Variants in C11orf65 observed in about 807,000 individuals in gnomAD.
The protein encoded by C11orf65 is protein MFI.
In C11orf65, 38 loss-of-function variants were observed where a neutral mutation model predicts 35.3. The ratio of observed to expected loss-of-function variants is 1.08; its 90% confidence interval spans 0.83 to 1.41. The LOEUF is 1.41. C11orf65 is among the 40% of genes most tolerant of loss of function. The probability of loss-of-function intolerance (pLI) is 0.00; values close to 1 mark genes in which losing one functional copy is unlikely to be tolerated. For synonymous variants in C11orf65, 105 were observed against 114.4 expected (o/e 0.92, Z 0.53); for missense variants, 370 against 367.1 (o/e 1.01, Z -0.06).
intron 2 of C11orf65, among the ~76,000 whole-genome samples, chr11:108,377,082 A>C (rs1282994779): frequency 1.3e-5 from 2 of 151,246 alleles, no homozygotes; most frequent in Non-Finnish European, 3.0e-5. Context: ...TCCTTCTGAA[A>C]CTATTCCAAT....
chr11:108,419,503 G>C (rs559633741), intron 3 of C11orf65, among the ~76,000 whole-genome samples: 1 of 152,258 alleles, frequency 6.6e-6, no homozygotes, highest in South Asian at 2.1e-4. Flanking sequence ...TTTGAGACCA[G>C]TCTGGGCAAC....
At chr11:108,348,047 G>A (rs1278298030) in intron 2 of C11orf65, among the ~76,000 whole-genome samples, 1 of 152,182 alleles carries the variant, frequency 6.6e-6, no homozygotes, top group African/African-American at 2.4e-5. Flanking sequence ...TGAGGAAATA[G>A]TGGGGGAGTG....
downstream of C11orf65, among the ~76,000 whole-genome samples, chr11:108,326,777 A>C (rs1163796096): frequency 6.6e-6 from 1 of 152,202 alleles, no homozygotes; most frequent in African/African-American, 2.4e-5. Flanking sequence ...GGTGTCCCAC[A>C]GACATGTACC....
intron 6 of C11orf65, among the ~76,000 whole-genome samples, chr11:108,399,737 A>G (rs892578340): frequency 6.6e-6 from 1 of 152,102 alleles, no homozygotes; most frequent in Non-Finnish European, 1.5e-5. Flanking sequence ...TTTTACACTA[A>G]AACAGTGCTA....
chr11:108,430,293 T>TA (rs2092967589), intron 3 of C11orf65, among the ~76,000 whole-genome samples: 1 of 98,974 alleles, frequency 1.0e-5, no homozygotes, highest in Admixed American at 1.2e-4. Flanking sequence ...CACGCCTGGC[T>TA]AATTTTTTTT....
At chr11:108,382,456 A>G (rs1401308566), downstream of C11orf65, among the ~76,000 whole-genome samples, 1 of 152,222 alleles carries the variant, frequency 6.6e-6, no homozygotes, top group Non-Finnish European at 1.5e-5. Flanking sequence ...GTAAACAAGG[A>G]AAGATAACAT....
chr11:108,437,707 T>TAAAAAAAAAAAAAAAAA (rs145337876), intron 2 of C11orf65, among the ~76,000 whole-genome samples: 8 of 38,034 alleles, frequency 2.1e-4, no homozygotes, highest in African/African-American at 4.3e-4. Context: ...GACTCAGTCT[T>TAAAAAAAAAAAAAAAAA]AAAAAAAAAA....
At chr11:108,348,071 A>G (rs2088671862) in intron 2 of C11orf65, among the ~76,000 whole-genome samples, 1 of 152,186 alleles carries the variant, frequency 6.6e-6, no homozygotes, top group African/African-American at 2.4e-5. Flanking sequence ...CCCCCAGATA[A>G]CTGAAGCTTC....
At chr11:108,436,703 G>T (rs914652729) in intron 2 of C11orf65, among the ~76,000 whole-genome samples, 2 of 152,034 alleles carry the variant, frequency 1.3e-5, no homozygotes, top group African/African-American at 2.4e-5. Context: ...AGACAAAGAC[G>T]CAATTTAAAA....
At chr11:108,401,895 T>C (rs762502966) in intron 6 of C11orf65, among the ~76,000 whole-genome samples, 12 of 152,208 alleles carry the variant, frequency 7.9e-5, no homozygotes, top group Non-Finnish European at 1.2e-4. Context: ...ACCATTAACA[T>C]AATTTCTGGC....
rs538876529 is a variant in C11orf65 at position 108,428,973 on chromosome 11, C to T, written c.174+2773G>A. On this transcript the variant is annotated intron_variant, in intron 3 of 8. Coordinates refer to ENST00000393084, the MANE Select transcript of C11orf65 (RefSeq NM_152587.5). ...ACGAGCCTGCGTAACCTAGGGAGAT[C>T]CCATCTCTACAAAAAATGAAAAAAT... 2.0e-5 allele frequency among the ~76,000 whole-genome samples: 3 copies of T among 151,972 alleles called. No individual in the cohort carries two copies. The South Asian group carries it at 6.2e-4, about 32-fold the overall frequency.
chr11:108,424,315 G>A (rs2092867325), intron 3 of C11orf65, among the ~76,000 whole-genome samples: 1 of 152,018 alleles, frequency 6.6e-6, no homozygotes, highest in South Asian at 2.1e-4. Flanking sequence ...AGAGATTGAA[G>A]ATCAACTTAA....
chr11:108,327,782 A>T, downstream of C11orf65: 1 of 1,531,026 alleles, frequency 6.5e-7, no homozygotes, highest in East Asian at 2.3e-5. Context: ...AGCAACCCTT[A>T]AGATAGTTAC....
chr11:108,384,433 C>T (rs2091941105), intron 8 of C11orf65, among the ~76,000 whole-genome samples: 1 of 152,132 alleles, frequency 6.6e-6, no homozygotes, highest in Non-Finnish European at 1.5e-5. Context: ...TACCGTTATT[C>T]TTCTTTTACT....
intron 7 of C11orf65, among the ~76,000 whole-genome samples, chr11:108,386,903 A>G (rs1303484409): frequency 3.9e-5 from 6 of 151,928 alleles, no homozygotes; most frequent in Non-Finnish European, 8.8e-5. Context: ...AACACGGTGA[A>G]ACCCCATCTC....
At chr11:108,378,985 T>C (rs568532672), downstream of C11orf65, among the ~76,000 whole-genome samples, 39 of 152,264 alleles carry the variant, frequency 2.6e-4, no homozygotes, top group Non-Finnish European at 4.6e-4. Context: ...CAACAGGTGC[T>C]GGAGAGGATG....
At chr11:108,399,166 A>G (rs576956565) in intron 6 of C11orf65, among the ~76,000 whole-genome samples, 1 of 152,300 alleles carries the variant, frequency 6.6e-6, no homozygotes, top group East Asian at 1.9e-4. Flanking sequence ...AATGACATTC[A>G]CAGGATGGAT....
chr11:108,357,329 G>A (rs2090104100), intron 2 of C11orf65, among the ~76,000 whole-genome samples: 1 of 152,234 alleles, frequency 6.6e-6, no homozygotes, highest in African/African-American at 2.4e-5. Flanking sequence ...TAGCACAGCA[G>A]TCTGAGATCA....
At chr11:108,426,598 T>C (rs776749828) in intron 3 of C11orf65, among the ~76,000 whole-genome samples, 71 of 152,166 alleles carry the variant, frequency 4.7e-4, no homozygotes, top group Non-Finnish European at 8.2e-4. Context: ...GATTCTATGC[T>C]ATCCCCATCA....
Sources: gnomAD v4.1 joint callset for allele counts (sites outside exome capture counted in the v4.1 genomes callset) on GRCh38, gnomAD v4.1.1 for gene constraint, MANE v1.5 for transcripts, NCBI Gene and HGNC (gene_info 2026-07-23, HGNC 2026-07-21) for gene names.